The following TUT4 variants were observed in gnomAD, a reference collection of about 807,000 sequenced individuals.
The protein encoded by TUT4 is terminal uridylyl transferase 4, also known as terminal uridylyltransferase 4.
TUT4 carries 36 observed loss-of-function variants against 192.2 expected under a neutral mutation model. The observed-to-expected ratio is 0.19, with a 90% CI of 0.14 to 0.25. The LOEUF is 0.25. Ranked by LOEUF, TUT4 falls within the 10% of genes least tolerant of loss-of-function variation. The probability of loss-of-function intolerance (pLI) is 1.00; values close to 1 mark genes in which losing one functional copy is unlikely to be tolerated. For synonymous variants in TUT4, 618 were observed against 666.0 expected, an observed-to-expected ratio of 0.93 and a Z score of 1.11; for missense variants, 1,493 against 1,957.2, an observed-to-expected ratio of 0.76 and a Z score of 4.47.
intron 1 of TUT4, chr1:52,535,072 T>C (rs1485334878): frequency 6.6e-6 from 1 of 152,182 alleles, no homozygotes; most frequent in African/African-American, 2.4e-5. Context: ...GCTGTAGATA[T>C]CTCCTCATTC....
At position 52,446,461 on chromosome 1, in the gene TUT4, A is replaced by C; in HGVS notation, c.3514-19T>G. The C allele has an allele frequency of 6.4e-7, 1 of 1,573,878 alleles. No individual in the cohort carries two copies. Among genetic ancestry groups the C allele is most frequent in the Non-Finnish European group, 8.6e-7 (1 of 1,167,516 alleles). ...GCTTTTTCTACATATAAAAAAAAAAAGAAAAGAACAATGTCTATACAGTAC... is the reference window on the plus strand; with the variant it reads ...GCTTTTTCTACATATAAAAAAAAAACGAAAAGAACAATGTCTATACAGTAC... On this transcript the variant is annotated intron_variant, in intron 21 of 29. Coordinates refer to ENST00000257177, the MANE Select transcript of TUT4 (RefSeq NM_001009881.3).
chr1:52,538,387 G>A (rs1231620194), intron 1 of TUT4: 1 of 152,052 alleles, frequency 6.6e-6, no homozygotes, highest in African/African-American at 2.4e-5. Flanking sequence ...AGGGAGCTGG[G>A]TGCGGTGGTT....
intron 3 of TUT4, among the ~76,000 whole-genome samples, chr1:52,513,091 C>G (rs956137495): frequency 1.3e-5 from 2 of 150,504 alleles, no homozygotes; most frequent in African/African-American, 2.5e-5. Context: ...CCACTGCACT[C>G]CAGCCTGGGA....
chr1:52,512,543 G>A (rs1677472449), intron 3 of TUT4, among the ~76,000 whole-genome samples: 1 of 152,160 alleles, frequency 6.6e-6, no homozygotes, highest in African/African-American at 2.4e-5. Flanking sequence ...ACCACTTCGT[G>A]CAAGGCACAT....
rs1653387194 is a variant in TUT4, at chr1:52,435,262, A to G, written c.4263+103T>C. On this transcript the variant is annotated intron_variant, in intron 27 of 29. Transcript: ENST00000257177. ...GGACATATATACAAAGCACTGTGTA[A>G]TCTGGAAGATTGTATTAGCCAGTCT... 4 of 870,584 alleles carry G rather than the reference A, an allele frequency of 4.6e-6. No homozygotes were observed. In the Admixed American group the frequency reaches 7.1e-5, roughly 15 times the overall value. 53.9% of individuals were successfully genotyped at this position (870,584 alleles called of 1,614,324 possible). A position where few individuals can be genotyped will look rare whatever the true frequency, so the allele number is the denominator to read the frequency against.
chr1:52,480,181 T>C (rs1201790308), intron 11 of TUT4, among the ~76,000 whole-genome samples: 1 of 151,896 alleles, frequency 6.6e-6, no homozygotes, highest in East Asian at 1.9e-4. Context: ...GGAATGTACA[T>C]ACACAAGAAA....
At chr1:52,450,927 T>C (rs1464776091) in intron 20 of TUT4, among the ~76,000 whole-genome samples, 1 of 152,064 alleles carries the variant, frequency 6.6e-6, no homozygotes, top group Non-Finnish European at 1.5e-5. Flanking sequence ...ACTGGAGAAT[T>C]AGTACATATG....
intron 28 of TUT4, 23 bp downstream of exon 28, chr1:52,430,987 TAAA>T: frequency 6.5e-7 from 1 of 1,531,404 alleles, no homozygotes; most frequent in Non-Finnish European, 8.8e-7. Context: ...GACATGCAGA[TAAA>T]AAAGAAGAAA....
intron 1 of TUT4, among the ~76,000 whole-genome samples, chr1:52,536,547 A>G (rs1684944458): frequency 6.6e-6 from 1 of 152,210 alleles, no homozygotes; most frequent in African/African-American, 2.4e-5. Context: ...AATGAATTAA[A>G]CTTTCCAATT....
At chr1:52,456,548 G>C (rs1282329691) in intron 20 of TUT4, among the ~76,000 whole-genome samples, 1 of 149,428 alleles carries the variant, frequency 6.7e-6, no homozygotes, top group Admixed American at 6.7e-5. Flanking sequence ...AAAAGACATG[G>C]AGGAAATTTA....
At chr1:52,429,142 G>T (rs1651103645) in intron 28 of TUT4, among the ~76,000 whole-genome samples, 1 of 144,706 alleles carries the variant, frequency 6.9e-6, no homozygotes, top group Admixed American at 7.0e-5. Context: ...GGAGTGCAGT[G>T]GCACGATCTC....
intron 4 of TUT4, among the ~76,000 whole-genome samples, chr1:52,502,382 G>A (rs768478405): frequency 3.3e-5 from 5 of 151,980 alleles, no homozygotes; most frequent in Admixed American, 1.3e-4. Context: ...TATCCACCTG[G>A]TAAAACTAAT....
At chr1:52,476,564 T>A (rs987075373) in intron 12 of TUT4, among the ~76,000 whole-genome samples, 1 of 152,184 alleles carries the variant, frequency 6.6e-6, no homozygotes, top group African/African-American at 2.4e-5. Flanking sequence ...AGTTGGGGCA[T>A]CTGTTACTTT....
intron 1 of TUT4, among the ~76,000 whole-genome samples, chr1:52,538,229 C>A (rs1433842163): frequency 1.3e-5 from 2 of 151,958 alleles, no homozygotes; most frequent in Admixed American, 6.6e-5. Context: ...GAGCAAGACT[C>A]CATCTCAAAA....
At chr1:52,547,941 T>A in intron 1 of TUT4, among the ~76,000 whole-genome samples, 1 of 152,212 alleles carries the variant, frequency 6.6e-6, no homozygotes, top group East Asian at 1.9e-4. Context: ...TTACACAACC[T>A]TATAAATATA....
chr1:52,550,496 CTTTTTTTTT>C (rs752817651), intron 1 of TUT4, among the ~76,000 whole-genome samples: 2 of 122,042 alleles, frequency 1.6e-5, no homozygotes, highest in African/African-American at 6.3e-5. Flanking sequence ...GTAAGTATTG[CTTTTTTTTT>C]TTTTTTTTTT....
chr1:52,506,859 C>T (rs373533899), intron 4 of TUT4, among the ~76,000 whole-genome samples: 6 of 152,306 alleles, frequency 3.9e-5, no homozygotes, highest in African/African-American at 1.2e-4. Flanking sequence ...CTAAATGCTA[C>T]ATTATGTGAA....
chr1:52,516,200 TA>T, intron 2 of TUT4, 146 bp from the exon 3 acceptor site: 2 of 665,490 alleles, frequency 3.0e-6, no homozygotes, highest in South Asian at 2.2e-5. Flanking sequence ...GGTATGCATA[TA>T]TAAAATATAG....
At chr1:52,465,433 C>T (rs1014989013) in intron 15 of TUT4, among the ~76,000 whole-genome samples, 2 of 152,144 alleles carry the variant, frequency 1.3e-5, no homozygotes, top group African/African-American at 4.8e-5. Context: ...TCAACTTTGC[C>T]CCAAATCTAT....
Sources: gnomAD v4.1 joint callset for allele counts (sites outside exome capture counted in the v4.1 genomes callset) on GRCh38, gnomAD v4.1.1 for gene constraint, MANE v1.5 for transcripts, NCBI Gene and HGNC (gene_info 2026-07-23, HGNC 2026-07-21) for gene names.